Variants in FAM120B observed in about 807,000 individuals in gnomAD.
FAM120B encodes constitutive coactivator of peroxisome proliferator-activated receptor gamma.
In FAM120B, 83 loss-of-function variants were observed where a neutral mutation model predicts 96.3. That is an observed-to-expected ratio of 0.86 (90% CI 0.72 to 1.03). FAM120B has a LOEUF of 1.03. Among genes scored for constraint, FAM120B ranks in the 50% least tolerant of loss-of-function variants. The probability of loss-of-function intolerance (pLI) is 0.00; values close to 1 mark genes in which losing one functional copy is unlikely to be tolerated. For synonymous variants in FAM120B, 407 were observed against 402.7 expected (o/e 1.01, Z -0.13); for missense variants, 1,027 against 1,121.2 (o/e 0.92, Z 1.20).
chr6:170,398,312 C>A (rs1778315010), intron 9 of FAM120B, among the ~76,000 whole-genome samples: 1 of 151,722 alleles, frequency 6.6e-6, no homozygotes, highest in Non-Finnish European at 1.5e-5. Flanking sequence ...TCTTAGGAGT[C>A]AATAAGGAAG....
chr6:170,329,460 G>A (rs1041709000), intron 3 of FAM120B, among the ~76,000 whole-genome samples: 1 of 152,074 alleles, frequency 6.6e-6, no homozygotes, highest in Admixed American at 6.6e-5. Flanking sequence ...TTTCACAAAC[G>A]ACCACCCCCA....
chr6:170,325,718 G>A (rs1462736978), intron 3 of FAM120B, among the ~76,000 whole-genome samples: 1 of 152,100 alleles, frequency 6.6e-6, no homozygotes, highest in African/African-American at 2.4e-5. Flanking sequence ...GCAGGTGCCT[G>A]TAATCCCAGC....
chr6:170,325,351 C>T lies in FAM120B; in HGVS notation c.1915+2092C>T, dbSNP rs190187932. ...AAAACAGCATGTCCAGTGTCACAGT[C>T]TCTCTTTTAATTGGAATGTTCAGAC... On this transcript the variant is annotated intron_variant, in intron 3 of 10. Transcript: ENST00000476287. 1.2e-4 allele frequency among the ~76,000 whole-genome samples: 18 copies of T among 152,256 alleles called. No homozygotes were observed. The East Asian group carries it at 3.5e-3, about 29-fold the overall frequency.
intron 3 of FAM120B, among the ~76,000 whole-genome samples, chr6:170,330,030 C>T (rs1314315189): frequency 7.2e-5 from 11 of 152,216 alleles, no homozygotes; most frequent in Non-Finnish European, 2.9e-5. Context: ...CAGAGTTCCT[C>T]AGTTACACCC....
At chr6:170,336,960 A>G (rs746601116) in intron 4 of FAM120B, among the ~76,000 whole-genome samples, 7 of 152,294 alleles carry the variant, frequency 4.6e-5, no homozygotes, top group Admixed American at 1.3e-4. Flanking sequence ...TTCTAAATAT[A>G]CAATCACGTC....
At chr6:170,398,039 CAA>C (rs956467500) in intron 9 of FAM120B, among the ~76,000 whole-genome samples, 127 of 152,330 alleles carry the variant, frequency 8.3e-4, no homozygotes, top group African/African-American at 2.9e-3. Context: ...AGGGGATAGT[CAA>C]GAGAGTCCAC....
chr6:170,347,154 T>C (rs9460121), intron 4 of FAM120B, among the ~76,000 whole-genome samples: 18,321 of 152,164 alleles, frequency 0.12, 1,373 homozygotes, highest in African/African-American at 0.2. Flanking sequence ...ATTTCCTTTT[T>C]TGGGTCATTT....
upstream of FAM120B, chr6:170,290,931 C>G: frequency 1.4e-6 from 1 of 697,928 alleles, no homozygotes; most frequent in Non-Finnish European, 2.6e-6. The surrounding 1 kb of genome is among the most constrained non-coding windows in gnomAD (Gnocchi z 4.7). Flanking sequence ...GAGGATCTGG[C>G]TCTCGCCGGC....
At chr6:170,401,284 C>G (rs906376644) in intron 9 of FAM120B, among the ~76,000 whole-genome samples, 3 of 152,312 alleles carry the variant, frequency 2.0e-5, no homozygotes, top group African/African-American at 4.8e-5. Flanking sequence ...ATGGCAGCTC[C>G]TTGGGGCAGG....
chr6:170,370,109 G>A lies in FAM120B; in HGVS notation c.2283+11791G>A, dbSNP rs565517231. Among the ~76,000 whole-genome samples the A allele has an allele frequency of 6.6e-6, 1 of 151,992 alleles. No individual in the cohort carries two copies. Among genetic ancestry groups the A allele is most frequent in the Non-Finnish European group, 1.5e-5 (1 of 68,010 alleles). On this transcript the variant is annotated intron_variant, in intron 6 of 10. Transcript: ENST00000476287. This position sits in a 1 kb window ranked among gnomAD's most constrained non-coding sequence, Gnocchi z 4.3. The stretch of plus-strand genomic sequence containing the variant: ...TTCTGTGAGTCGGCAGAAATTTATC[G>A]CAGAGACATTGCAGAGGTGAGACGG...
intron 8 of FAM120B, among the ~76,000 whole-genome samples, chr6:170,391,676 C>T (rs1790487273): frequency 6.6e-6 from 1 of 152,122 alleles, no homozygotes; most frequent in Admixed American, 6.5e-5. Flanking sequence ...TAGGGTTCCC[C>T]AAAGTGGAAC....
At chr6:170,312,421 A>T (rs1297690763) in intron 1 of FAM120B, among the ~76,000 whole-genome samples, 1 of 152,240 alleles carries the variant, frequency 6.6e-6, no homozygotes, top group Non-Finnish European at 1.5e-5. Flanking sequence ...TAGGCAATTG[A>T]TAAACATGTT....
chr6:170,355,975 C>G lies in FAM120B; in HGVS notation c.2191-2251C>G, dbSNP rs368544047. ...AATGGGAAGGCCATTGTCAGCCCCC[C>G]AGGAGGGACACACCGCCTGCTGTTC... On this transcript the variant is annotated intron_variant, in intron 5 of 10. Transcript: ENST00000476287. 7.9e-5 allele frequency among the ~76,000 whole-genome samples: 12 copies of G among 152,282 alleles called. No individual in the cohort carries two copies. In the East Asian group the frequency reaches 1.7e-3, roughly 22 times the overall value.
chr6:170,304,931 G>A (rs1309825267), upstream of FAM120B, among the ~76,000 whole-genome samples: 1 of 152,132 alleles, frequency 6.6e-6, no homozygotes, highest in South Asian at 2.1e-4. Context: ...AGCTCTGGAG[G>A]CGCTGAGGTC....
At chr6:170,308,650 T>C (rs1784424267) in intron 1 of FAM120B, among the ~76,000 whole-genome samples, 1 of 152,186 alleles carries the variant, frequency 6.6e-6, no homozygotes, top group South Asian at 2.1e-4. Context: ...TAATTTGTAT[T>C]CTTTTTTGAA....
intron 6 of FAM120B, among the ~76,000 whole-genome samples, chr6:170,359,482 C>T (rs532214105): frequency 6.6e-6 from 1 of 151,986 alleles, no homozygotes; most frequent in East Asian, 1.9e-4. Flanking sequence ...ATGGCTCAGT[C>T]CCTGCTCACT....
intron 9 of FAM120B, among the ~76,000 whole-genome samples, chr6:170,400,760 G>A (rs1280204542): frequency 1.3e-5 from 2 of 152,178 alleles, no homozygotes; most frequent in African/African-American, 4.8e-5. Context: ...ATAAAGCAAT[G>A]TCCGTCCTAC....
At chr6:170,404,668 C>A in intron 10 of FAM120B, 67 bp downstream of exon 10, 2 of 1,218,816 alleles carry the variant, frequency 1.6e-6, no homozygotes, top group Non-Finnish European at 2.4e-6. Flanking sequence ...ATAAATCTTC[C>A]ATATCAAGTA....
At position 170,393,660 on chromosome 6, in the gene FAM120B, G is replaced by T. The variant is rs192832389; in HGVS notation, c.2600-1827G>T. 3.7e-3 allele frequency among the ~76,000 whole-genome samples: 562 copies of T among 152,242 alleles called. 2 individuals are homozygous for T. Among genetic ancestry groups the T allele is most frequent in the Non-Finnish European group, 6.0e-3 (407 of 68,016 alleles). On this transcript the variant is annotated intron_variant, in intron 8 of 10. Coordinates refer to ENST00000476287, the MANE Select transcript of FAM120B (RefSeq NM_032448.3). ...ATTTTCTTCACAAATCCAACTTAAG[G>T]TTCTATGGTTCAGTCCCTCATTTTG... is the stretch of plus-strand genomic sequence containing the variant.
Sources: gnomAD v4.1 joint callset for allele counts (sites outside exome capture counted in the v4.1 genomes callset) on GRCh38, gnomAD v4.1.1 for gene constraint, Gnocchi (gnomAD v3.1) non-coding constraint, MANE v1.5 for transcripts, NCBI Gene and HGNC (gene_info 2026-07-23, HGNC 2026-07-21) for gene names.